SIM1: variants seen among roughly 807,000 people sequenced by gnomAD.
SIM1 encodes the protein single-minded homolog 1.
In SIM1, 18 loss-of-function variants were observed where a neutral mutation model predicts 78.2. The ratio of observed to expected loss-of-function variants is 0.23; its 90% CI spans 0.16 to 0.34. The LOEUF is 0.34. Ranked by LOEUF, SIM1 falls within the 10% of genes least tolerant of loss-of-function variation. The pLI, the probability that SIM1 is intolerant of heterozygous loss-of-function variation, is 1.00. For missense variants in SIM1, 939 were observed against 975.1 expected (o/e 0.96, Z 0.49); for synonymous variants, 417 against 385.2 (o/e 1.08, Z -0.97).
chr6:100,424,287 T>A (rs1771668118), intron 9 of SIM1, among the ~76,000 whole-genome samples: 1 of 152,056 alleles, frequency 6.6e-6, no homozygotes, highest in African/African-American at 2.4e-5. Context: ...TGGTACACAT[T>A]AAAAATACAA....
At position 100,437,371 on chromosome 6, in the gene SIM1, T is replaced by C. The variant is rs572997599; in HGVS notation, c.998+9897A>G. 23 of 152,310 alleles carry C rather than the reference T, an allele frequency of 1.5e-4. No individual in the cohort carries two copies. In the South Asian group the frequency reaches 3.7e-3, roughly 25 times the overall value. The allele number at this position is 152,310 out of a possible 1,614,324, so 9.4% of individuals were successfully genotyped here. ...CCCTGCAAATCTGGAACCAGCTGTATAGGGACTTTGAACCTCCCTTTTCTC... is the reference window on the plus strand; with the variant it reads ...CCCTGCAAATCTGGAACCAGCTGTACAGGGACTTTGAACCTCCCTTTTCTC... On this transcript the variant is annotated intron_variant, in intron 9 of 11. Transcript: ENST00000369208.
At chr6:100,439,074 C>A (rs1772137752) in intron 9 of SIM1, among the ~76,000 whole-genome samples, 3 of 151,848 alleles carry the variant, frequency 2.0e-5, no homozygotes, top group Non-Finnish European at 4.4e-5. Flanking sequence ...ATCCATGTAA[C>A]CAAAAACCGT....
At chr6:100,403,990 A>T (rs184198202) in intron 10 of SIM1, among the ~76,000 whole-genome samples, 148 of 152,322 alleles carry the variant, frequency 9.7e-4, no homozygotes, top group African/African-American at 3.5e-3. Flanking sequence ...ACTTCAATAT[A>T]CTATACTTAG....
chr6:100,393,793 G>T lies in SIM1; in HGVS notation c.1264C>A (p.Pro422Thr). 3 of 1,614,024 alleles carry T rather than the reference G, an allele frequency of 1.9e-6. No individual in the cohort carries two copies. Among genetic ancestry groups the T allele is most frequent in the Non-Finnish European group, 2.5e-6 (3 of 1,179,952 alleles). Reference protein sequence around the residue: ...TDTASPQLLDPADRPGSQHDA... With the variant: ...TDTASPQLLDTADRPGSQHDA... Reference sequence around the variant, plus strand: ...TGCTGGGAGCCAGGCCTATCGGCGGGGTCCAGAAGCTGCGGAGAGGCCGTG... The same window carrying T: ...TGCTGGGAGCCAGGCCTATCGGCGGTGTCCAGAAGCTGCGGAGAGGCCGTG... The change falls in exon 11 of 12, where the codon CCC (proline) becomes ACC (threonine). Residue 422 changes from proline to threonine, a missense_variant. Pro to Thr is a conservative substitution (Grantham distance 38). Transcript: ENST00000369208.
chr6:100,461,860 T>A (rs1362997035), intron 2 of SIM1, among the ~76,000 whole-genome samples: 21 of 99,360 alleles, frequency 2.1e-4, no homozygotes, highest in Admixed American at 4.2e-4. Flanking sequence ...TTTTTTTTTT[T>A]AATTTTCAGG....
chr6:100,438,529 C>A (rs1772118637), intron 9 of SIM1, among the ~76,000 whole-genome samples: 1 of 152,146 alleles, frequency 6.6e-6, no homozygotes, highest in Admixed American at 6.5e-5. Flanking sequence ...TAAATTAGTA[C>A]AATCACTATA....
intron 9 of SIM1, among the ~76,000 whole-genome samples, chr6:100,440,480 A>G (rs1052825667): frequency 6.6e-6 from 1 of 152,202 alleles, no homozygotes; most frequent in East Asian, 1.9e-4. Flanking sequence ...AATGCCCCAC[A>G]AAGTAACTTC....
At position 100,389,586 on chromosome 6, in the gene SIM1, C is replaced by T. The variant is rs1049961951; in HGVS notation, c.*775G>A. ...TGGCCTTTCCATATTCATAGAACTA[C>T]TTCCAATTGAGCACTCCAGGTTTTT... On this transcript the variant is annotated 3_prime_UTR_variant, in exon 12 of 12. Coordinates refer to ENST00000369208, the MANE Select transcript of SIM1 (RefSeq NM_005068.3). 14 of 398,778 alleles carry T rather than the reference C, an allele frequency of 3.5e-5. No homozygotes were observed. The highest frequency in any genetic ancestry group is 2.2e-5 in the Non-Finnish European group (5 of 225,990). 24.7% of individuals were successfully genotyped at this position (398,778 alleles called of 1,614,324 possible). A position where few individuals can be genotyped will look rare whatever the true frequency, so the allele number is the denominator to read the frequency against.
intron 9 of SIM1, among the ~76,000 whole-genome samples, chr6:100,430,387 C>T (rs557930637): frequency 7.8e-4 from 119 of 152,252 alleles, no homozygotes; most frequent in Admixed American, 1.5e-3. Flanking sequence ...ACAAAATATG[C>T]TGCCCTTTCA....
intron 9 of SIM1, among the ~76,000 whole-genome samples, chr6:100,423,717 T>A (rs1771652682): frequency 6.6e-6 from 1 of 152,282 alleles, no homozygotes; most frequent in East Asian, 1.9e-4. Flanking sequence ...CAACCCAATA[T>A]CCTTTCTGCA....
At chr6:100,460,845 T>C (rs962020258) in intron 2 of SIM1, among the ~76,000 whole-genome samples, 2 of 152,154 alleles carry the variant, frequency 1.3e-5, no homozygotes, top group Non-Finnish European at 2.9e-5. Flanking sequence ...AAGAGCTGTG[T>C]TTGATTTTGG....
chr6:100,390,637 T>C lies in SIM1; in HGVS notation c.2025A>G (p.Lys675=). The C allele has an allele frequency of 1.2e-6, 2 of 1,614,200 alleles. No homozygotes were observed. The highest frequency in any genetic ancestry group is 8.5e-7 in the Non-Finnish European group (1 of 1,180,034). The change falls in exon 12 of 12, where the codon AAA becomes AAG. Residue 675 remains lysine (K), a synonymous_variant. Coordinates refer to ENST00000369208, the MANE Select transcript of SIM1 (RefSeq NM_005068.3). ...RISKSSLILA[K]DYLHSDISPH... ...GAGATATATCCGAATGCAGATAGTCTTTAGCTAGGATCAAACTGGATTTTG... is the reference window on the plus strand; with the variant it reads ...GAGATATATCCGAATGCAGATAGTCCTTAGCTAGGATCAAACTGGATTTTG...
At chr6:100,449,515 C>G in intron 5 of SIM1, 67 bp from the exon 6 acceptor site, 1 of 1,579,352 alleles carries the variant, frequency 6.3e-7, no homozygotes. Context: ...GCACGCGTCT[C>G]TGCCACGACT....
At chr6:100,393,118 T>C (rs1770681050) in intron 11 of SIM1, among the ~76,000 whole-genome samples, 1 of 152,162 alleles carries the variant, frequency 6.6e-6, no homozygotes, top group African/African-American at 2.4e-5. Flanking sequence ...AACACTGCTA[T>C]GACCAAATGA....
chr6:100,407,130 A>G (rs919651969), intron 10 of SIM1, among the ~76,000 whole-genome samples: 12 of 152,198 alleles, frequency 7.9e-5, no homozygotes, highest in African/African-American at 2.9e-4. Context: ...TGCAAATGAC[A>G]GAATTTCCTT....
rs1354975754 is a variant in SIM1, at chr6:100,387,165, T to C, written c.*3196A>G. 1 of 152,066 alleles carries C rather than the reference T, an allele frequency of 6.6e-6. No homozygotes were observed. The highest frequency in any genetic ancestry group is 2.4e-5 in the African/African-American group (1 of 41,444). The allele number at this position is 152,066 out of a possible 1,614,324, so 9.4% of individuals were successfully genotyped here. On this transcript the variant is annotated 3_prime_UTR_variant, in exon 12 of 12. Coordinates refer to ENST00000369208, the MANE Select transcript of SIM1 (RefSeq NM_005068.3). ...TATCATCTAATGAATTGATACATAT[T>C]ATACCAGTAATTGGATAGAGCACAT...
intron 3 of SIM1, 94 bp from the exon 4 acceptor site, chr6:100,450,450 G>A (rs369112086): frequency 9.1e-7 from 1 of 1,099,190 alleles, no homozygotes. Flanking sequence ...TCAGCCAAAA[G>A]TGTAGAGAGA....
chr6:100,396,381 G>A (rs771421423), intron 10 of SIM1, among the ~76,000 whole-genome samples: 2 of 152,092 alleles, frequency 1.3e-5, no homozygotes, highest in Non-Finnish European at 2.9e-5. Flanking sequence ...CCCTGAGTGT[G>A]TATGGGAAAG....
intron 2 of SIM1, chr6:100,462,776 G>C (rs1378323476): frequency 6.6e-6 from 1 of 152,186 alleles, no homozygotes; most frequent in Non-Finnish European, 1.5e-5. Flanking sequence ...TTAAGAACTT[G>C]AGTAAATTCA....
Sources: gnomAD v4.1 joint callset for allele counts (sites outside exome capture counted in the v4.1 genomes callset) on GRCh38, gnomAD v4.1.1 for gene constraint, MANE v1.5 for transcripts, NCBI Gene and HGNC (gene_info 2026-07-23, HGNC 2026-07-21) for gene names.